The following ATP2A2 variants were observed in gnomAD, a reference collection of about 807,000 sequenced individuals.
The protein encoded by ATP2A2 is sarcoplasmic/endoplasmic reticulum calcium ATPase 2.
Under a neutral mutation model 109.3 loss-of-function variants are expected in ATP2A2, and 14 were observed. The observed-to-expected ratio is 0.13, with a 90% CI of 0.08 to 0.20. The LOEUF (loss-of-function observed/expected upper bound fraction) is 0.20. Ranked by LOEUF, ATP2A2 falls within the 10% of genes least tolerant of loss-of-function variation. The pLI, the probability that ATP2A2 is intolerant of heterozygous loss-of-function variation, is 1.00. For synonymous variants in ATP2A2, 506 were observed against 490.9 expected (o/e 1.03, Z -0.41); for missense variants, 657 against 1,321.6 (o/e 0.50, Z 7.80).
rs1879978999 is a variant in ATP2A2, at chr12:110,347,366, A to AACAG, written c.*900_*903dup. The AACAG allele has an allele frequency of 7.8e-7, 1 of 1,289,250 alleles. No homozygotes were observed. The highest frequency in any genetic ancestry group is 1.0e-6 in the Non-Finnish European group (1 of 988,702). The allele number at this position is 1,289,250 out of a possible 1,614,324, so 79.9% of individuals were successfully genotyped here. A position where few individuals can be genotyped will look rare whatever the true frequency, so the allele number is the denominator to read the frequency against. On this transcript the variant is annotated 3_prime_UTR_variant, in exon 20 of 20. Coordinates refer to ENST00000539276, the MANE Select transcript of ATP2A2 (RefSeq NM_170665.4). ...ACTCGTAAGTGGCTTACCTGGGACT[A>AACAG]ACAGACATGTCCAACTTTCTCTCCA...
intron 3 of ATP2A2, among the ~76,000 whole-genome samples, chr12:110,291,681 C>G (rs1873324732): frequency 7.1e-6 from 1 of 141,696 alleles, no homozygotes; most frequent in Non-Finnish European, 1.5e-5. Flanking sequence ...TCTTGCTGCC[C>G]AGGCTGGAGT....
chr12:110,334,293 T>A lies in ATP2A2; in HGVS notation c.1419+150T>A. 3.1e-6 allele frequency: 3 copies of A among 968,954 alleles called. No individual in the cohort carries two copies. In the Admixed American group the frequency reaches 5.9e-5, roughly 19 times the overall value. The allele number at this position is 968,954 out of a possible 1,614,324, so 60.0% of individuals were successfully genotyped here. A position where few individuals can be genotyped will look rare whatever the true frequency, so the allele number is the denominator to read the frequency against. On this transcript the variant is annotated intron_variant, in intron 11 of 19. Coordinates refer to ENST00000539276, the MANE Select transcript of ATP2A2 (RefSeq NM_170665.4). Reference sequence around the variant, plus strand: ...TTCCTTCCCCATATTCACTCTCAGGTAAGATGCTCTTCCTGTGTATTTGAC... The same window carrying A: ...TTCCTTCCCCATATTCACTCTCAGGAAAGATGCTCTTCCTGTGTATTTGAC...
At position 110,350,218 on chromosome 12, in the gene ATP2A2, T is replaced by C. The variant is rs1482749350; in HGVS notation, c.*3748T>C. 2 of 1,613,796 alleles carry C rather than the reference T, an allele frequency of 1.2e-6. No individual in the cohort carries two copies. Among genetic ancestry groups the C allele is most frequent in the African/African-American group, 1.3e-5 (1 of 74,910 alleles). On this transcript the variant is annotated 3_prime_UTR_variant, in exon 20 of 20. Transcript: ENST00000539276. The stretch of plus-strand genomic sequence containing the variant: ...TTTCATCTGTCGCTGTTGATCTTCA[T>C]CTATTTAAATAGGTATTCTAACGTT...
upstream of ATP2A2, chr12:110,280,997 A>T (rs1160340908): frequency 6.6e-6 from 1 of 151,888 alleles, no homozygotes; most frequent in Non-Finnish European, 1.5e-5. Flanking sequence ...GGCACAGAAG[A>T]GGGTACCCAG....
chr12:110,306,500 G>A (rs752130155), intron 5 of ATP2A2, among the ~76,000 whole-genome samples: 18 of 151,988 alleles, frequency 1.2e-4, no homozygotes, highest in Non-Finnish European at 2.2e-4. Context: ...TAGTTTTTCA[G>A]CCCTCGCCCC....
rs772144757 is a variant in ATP2A2 at position 110,339,383 on chromosome 12, A to G, written c.1522A>G (p.Met508Val). 11 of 1,614,216 alleles carry G rather than the reference A, an allele frequency of 6.8e-6. No individual in the cohort carries two copies. The highest frequency in any genetic ancestry group is 9.3e-6 in the Non-Finnish European group (11 of 1,180,050). Residue 508 changes from methionine (M) to valine (V), a missense_variant, in exon 12 of 20, where the codon ATG becomes GTG. Transcript: ENST00000539276. This position sits in a 1 kb window ranked among gnomAD's most constrained non-coding sequence, Gnocchi z 4.4. ...ACCAAATAAACCAAGCAGGACATCA[A>G]TGAGCAAGATGTTTGTGAAGGCAAG... ...CTPNKPSRTSMSKMFVKGAPE... is the reference protein window; with the variant it reads ...CTPNKPSRTSVSKMFVKGAPE...
rs145410075 is a variant in ATP2A2, at chr12:110,301,072, G to A, written c.463+4335G>A. 5.8e-3 allele frequency among the ~76,000 whole-genome samples: 879 copies of A among 152,034 alleles called. 6 individuals carry two copies. The highest frequency in any genetic ancestry group is 0.02 in the African/African-American group (830 of 41,452). ...AATAGAGACAGAGTCTAGCTATGTT[G>A]CCTAGGCTGGTCTCAAACTCCTGGC... is the stretch of plus-strand genomic sequence containing the variant. On this transcript the variant is annotated intron_variant, in intron 5 of 19. Coordinates refer to ENST00000539276, the MANE Select transcript of ATP2A2 (RefSeq NM_170665.4).
intron 5 of ATP2A2, among the ~76,000 whole-genome samples, chr12:110,304,237 C>T (rs1875009937): frequency 6.6e-6 from 1 of 152,172 alleles, no homozygotes; most frequent in Non-Finnish European, 1.5e-5. Context: ...AGTGCTATAA[C>T]TTGTACATAC....
chr12:110,348,990 TGAG>T lies in ATP2A2; in HGVS notation c.*2521_*2523del. On this transcript the variant is annotated 3_prime_UTR_variant, in exon 20 of 20. Coordinates refer to ENST00000539276, the MANE Select transcript of ATP2A2 (RefSeq NM_170665.4). ...ACTTAGTGGCCTTTACAAAAAAAGT[TGAG>T]TAGTGTGTGGCCTGCTGTCGCACAG... The T allele has an allele frequency of 2.0e-6, 2 of 985,452 alleles. No homozygotes were observed. Among genetic ancestry groups the T allele is most frequent in the Non-Finnish European group, 2.4e-6 (2 of 829,978 alleles). 61.0% of individuals were successfully genotyped at this position (985,452 alleles called of 1,614,324 possible).
chr12:110,340,509 G>A lies in ATP2A2; in HGVS notation c.1762-150G>A. The A allele has an allele frequency of 1.1e-6, 1 of 879,540 alleles. No individual in the cohort carries two copies. Among genetic ancestry groups the A allele is most frequent in the South Asian group, 1.7e-5 (1 of 57,622 alleles). The allele number at this position is 879,540 out of a possible 1,614,324, so 54.5% of individuals were successfully genotyped here. On this transcript the variant is annotated intron_variant, in intron 13 of 19. Coordinates refer to ENST00000539276, the MANE Select transcript of ATP2A2 (RefSeq NM_170665.4). The surrounding 1 kb of genome is among the most constrained non-coding windows in gnomAD (Gnocchi z 6.0). ...GCTGAGATTGCGCCATGGCACTCCA[G>A]CCTGGGCAACAAGAGCGAAACTCCG...
chr12:110,348,777 T>G lies in ATP2A2; in HGVS notation c.*2307T>G. 1.0e-6 allele frequency: 1 copy of G among 985,470 alleles called. No individual in the cohort carries two copies. Among genetic ancestry groups the G allele is most frequent in the South Asian group, 4.7e-5 (1 of 21,288 alleles). The allele number at this position is 985,470 out of a possible 1,614,324, so 61.0% of individuals were successfully genotyped here. ...TGTGGCTCTCGGGAAGGGAGGCTGC[T>G]TTGCCCAGCAGGGAACATTTGGGGC... On this transcript the variant is annotated 3_prime_UTR_variant, in exon 20 of 20. Coordinates refer to ENST00000539276, the MANE Select transcript of ATP2A2 (RefSeq NM_170665.4).
chr12:110,323,180 C>A, intron 6 of ATP2A2, 108 bp downstream of exon 6: 1 of 872,806 alleles, frequency 1.1e-6, no homozygotes, highest in East Asian at 2.5e-5. Context: ...CATCTTAATC[C>A]TCTCTAAGAT....
rs749127178 is a variant in ATP2A2, at chr12:110,350,453, A to C, written c.*3983A>C. The stretch of plus-strand genomic sequence containing the variant: ...TCCCAACTCACTTTGTGTTATGTGG[A>C]GGAAATGTGTATTACCAATGGGGTT... On this transcript the variant is annotated 3_prime_UTR_variant, in exon 20 of 20. Coordinates refer to ENST00000539276, the MANE Select transcript of ATP2A2 (RefSeq NM_170665.4). 3.7e-4 allele frequency: 474 copies of C among 1,277,316 alleles called. 1 individual carries two copies. The highest frequency in any genetic ancestry group is 4.9e-4 in the Non-Finnish European group (438 of 889,290). 79.1% of individuals were successfully genotyped at this position (1,277,316 alleles called of 1,614,324 possible). A position where few individuals can be genotyped will look rare whatever the true frequency, so the allele number is the denominator to read the frequency against.
rs779608732 is a variant in ATP2A2 at position 110,346,034 on chromosome 12, C to T, written c.2775C>T (p.Pro925=). ...LSENQSLLRM[P]PWENIWLVGS... ...AAAACCAGTCCTTGCTGAGGATGCC[C>T]CCCTGGGAGAACATCTGGCTCGTGG... Residue 925 remains proline, a synonymous_variant, in exon 19 of 20, where the codon CCC becomes CCT. Coordinates refer to ENST00000539276, the MANE Select transcript of ATP2A2 (RefSeq NM_170665.4). 5.0e-6 allele frequency: 8 copies of T among 1,614,040 alleles called. No individual in the cohort carries two copies. In the Admixed American group the frequency reaches 1.3e-4, roughly 27 times the overall value.
At chr12:110,326,338 T>C in intron 6 of ATP2A2, 52 bp from the exon 7 acceptor site, 1 of 1,516,816 alleles carries the variant, frequency 6.6e-7, no homozygotes, top group Non-Finnish European at 9.1e-7. Context: ...AGGTTCTAGG[T>C]TCTTGGTGTG....
chr12:110,348,901 T>C lies in ATP2A2; in HGVS notation c.*2431T>C. The C allele has an allele frequency of 2.0e-6, 2 of 985,426 alleles. No homozygotes were observed. Among genetic ancestry groups the C allele is most frequent in the Non-Finnish European group, 2.4e-6 (2 of 829,922 alleles). The allele number at this position is 985,426 out of a possible 1,614,324, so 61.0% of individuals were successfully genotyped here. ...GTGCATCTCTGGGCTGCAAACTGAC[T>C]TGAGTGCTGCACTATTGCTATTCCG... On this transcript the variant is annotated 3_prime_UTR_variant, in exon 20 of 20. Coordinates refer to ENST00000539276, the MANE Select transcript of ATP2A2 (RefSeq NM_170665.4).
chr12:110,303,870 A>G (rs999070501), intron 5 of ATP2A2, among the ~76,000 whole-genome samples: 1 of 152,170 alleles, frequency 6.6e-6, no homozygotes, highest in African/African-American at 2.4e-5. Flanking sequence ...CTTCAATACA[A>G]TTATTGAATG....
chr12:110,332,480 T>G, intron 8 of ATP2A2, 117 bp from the exon 9 acceptor site: 1 of 886,314 alleles, frequency 1.1e-6, no homozygotes, highest in Non-Finnish European at 1.9e-6. Context: ...TTATTAAAGT[T>G]GTTTTCGTAA....
Position 110,343,171 on chromosome 12 carries a change from T to C in ATP2A2, c.2319-61T>C, listed in dbSNP as rs183424996. On this transcript the variant is annotated intron_variant, in intron 15 of 19. Transcript: ENST00000539276. ...GGAGGAGGGCGGGTTGATGATGCTCTTTAAATAGTGGCCAGAAGTCATTTG... is the reference window on the plus strand; with the variant it reads ...GGAGGAGGGCGGGTTGATGATGCTCCTTAAATAGTGGCCAGAAGTCATTTG... The C allele has an allele frequency of 3.8e-6, 6 of 1,562,268 alleles. No individual in the cohort carries two copies. In the East Asian group the frequency reaches 9.0e-5, roughly 23 times the overall value.
Sources: gnomAD v4.1 joint callset for allele counts (sites outside exome capture counted in the v4.1 genomes callset) on GRCh38, gnomAD v4.1.1 for gene constraint, Gnocchi (gnomAD v3.1) non-coding constraint, MANE v1.5 for transcripts, NCBI Gene and HGNC (gene_info 2026-07-23, HGNC 2026-07-21) for gene names.